The following CNTN6 variants were observed in gnomAD, a reference collection of about 807,000 sequenced individuals.
CNTN6 encodes contactin 6, also known as contactin-6.
Under a neutral mutation model 122.8 loss-of-function variants are expected in CNTN6, and 137 were observed. The observed-to-expected ratio is 1.12, with a 90% confidence interval of 0.97 to 1.29. CNTN6 has a LOEUF of 1.29. Ranked by LOEUF, CNTN6 falls within the 50% of genes most tolerant of loss-of-function variation. The pLI is 0.00. For synonymous variants in CNTN6, 570 were observed against 426.0 expected (o/e 1.34, Z -4.16); for missense variants, 1,634 against 1,223.4 (o/e 1.34, Z -5.01).
intron 2 of CNTN6, among the ~76,000 whole-genome samples, chr3:1,167,297 T>G (rs566677205): frequency 6.6e-6 from 1 of 152,308 alleles, no homozygotes; most frequent in Non-Finnish European, 1.5e-5. Context: ...TTTCATTTTT[T>G]CCTATCAGTT....
intron 2 of CNTN6, among the ~76,000 whole-genome samples, chr3:1,168,874 AT>A (rs1189126580): frequency 1.3e-5 from 2 of 152,096 alleles, no homozygotes; most frequent in African/African-American, 4.8e-5. Flanking sequence ...ATATAGGTTA[AT>A]TTTTTTTAAG....
intron 2 of CNTN6, among the ~76,000 whole-genome samples, chr3:1,161,247 A>G (rs939827214): frequency 2.0e-5 from 2 of 101,818 alleles, no homozygotes; most frequent in African/African-American, 9.3e-5. Context: ...ATGATATATG[A>G]TTATATATAT....
chr3:1,200,288 C>T (rs1199731714), intron 2 of CNTN6, among the ~76,000 whole-genome samples: 1 of 152,198 alleles, frequency 6.6e-6, no homozygotes, highest in Admixed American at 6.5e-5. Context: ...CCCTCCTCAG[C>T]TTCCCAAACT....
At chr3:1,259,556 A>G (rs1313319332) in intron 4 of CNTN6, among the ~76,000 whole-genome samples, 1 of 152,100 alleles carries the variant, frequency 6.6e-6, no homozygotes, top group African/African-American at 2.4e-5. Context: ...ATTTACTGGC[A>G]GTGGAAAAAC....
intron 1 of CNTN6, among the ~76,000 whole-genome samples, chr3:1,102,875 A>G (rs1012577205): frequency 2.0e-5 from 3 of 151,218 alleles, no homozygotes; most frequent in South Asian, 2.1e-4. Flanking sequence ...TTGGAGGCCG[A>G]GGCGGGCGGA....
intron 1 of CNTN6, among the ~76,000 whole-genome samples, chr3:1,145,644 A>G (rs2092709012): frequency 6.6e-6 from 1 of 152,198 alleles, no homozygotes; most frequent in African/African-American, 2.4e-5. Context: ...ATTTATGGCC[A>G]TGCTACCATT....
At chr3:1,305,089 G>T (rs1698137471) in intron 7 of CNTN6, among the ~76,000 whole-genome samples, 1 of 151,840 alleles carries the variant, frequency 6.6e-6, no homozygotes, top group Non-Finnish European at 1.5e-5. Flanking sequence ...CAAAAATCAG[G>T]TTTATACACC....
chr3:1,129,899 T>A (rs553134447), intron 1 of CNTN6, among the ~76,000 whole-genome samples: 1 of 152,084 alleles, frequency 6.6e-6, no homozygotes, highest in Non-Finnish European at 1.5e-5. Flanking sequence ...GTTTGTTTTT[T>A]AAAAACAGTT....
At position 1,102,706 on chromosome 3, in the gene CNTN6, C is replaced by A. The variant is rs990640489; in HGVS notation, c.-83+9586C>A. Among the ~76,000 whole-genome samples the A allele has an allele frequency of 4.0e-5, 6 of 149,612 alleles. No individual in the cohort carries two copies. In the South Asian group the frequency reaches 8.6e-4, roughly 22 times the overall value. ...TGGCGCCACCGCCCTCCAGCCTGGG[C>A]GACAGGGCGAGACTCCGTCTCAAAA... On this transcript the variant is annotated intron_variant, in intron 1 of 22. Coordinates refer to ENST00000446702, the MANE Select transcript of CNTN6 (RefSeq NM_001289080.2).
chr3:1,155,102 A>G (rs1056980734), intron 2 of CNTN6, among the ~76,000 whole-genome samples: 3 of 152,090 alleles, frequency 2.0e-5, no homozygotes, highest in African/African-American at 7.2e-5. Flanking sequence ...TTATCCCACT[A>G]TTGGTCCTAG....
intron 2 of CNTN6, among the ~76,000 whole-genome samples, chr3:1,200,613 A>T (rs998860188): frequency 2.0e-5 from 3 of 152,292 alleles, no homozygotes; most frequent in African/African-American, 7.2e-5. Context: ...TCTCTTTTTT[A>T]AGCTCCATAA....
Position 1,403,527 on chromosome 3 carries a change from G to GAA in CNTN6, c.*118_*119dup. 1.1e-5 allele frequency: 5 copies of GAA among 466,796 alleles called. No individual in the cohort carries two copies. The highest frequency in any genetic ancestry group is 4.5e-5 in the South Asian group (1 of 22,346). The allele number at this position is 466,796 out of a possible 1,614,324, so 28.9% of individuals were successfully genotyped here. A position where few individuals can be genotyped will look rare whatever the true frequency, so the allele number is the denominator to read the frequency against. ...TTCTTAATACAGACTTGTTTGCAAA[G>GAA]AAAAAAAAAAGTATATTATTAAAAT... On this transcript the variant is annotated 3_prime_UTR_variant, in exon 23 of 23. Coordinates refer to ENST00000446702, the MANE Select transcript of CNTN6 (RefSeq NM_001289080.2).
chr3:1,325,000 C>A (rs1250377169), intron 8 of CNTN6, among the ~76,000 whole-genome samples: 1 of 151,720 alleles, frequency 6.6e-6, no homozygotes. Flanking sequence ...AAGGACAGAA[C>A]TAAATAAAGG....
At chr3:1,168,064 C>A (rs200985137) in intron 2 of CNTN6, among the ~76,000 whole-genome samples, 54 of 152,100 alleles carry the variant, frequency 3.6e-4, no homozygotes, top group African/African-American at 1.3e-3. Flanking sequence ...CACGCCACCA[C>A]GCCTGGGTAG....
chr3:1,352,506 T>TTACA, intron 12 of CNTN6, 55 bp downstream of exon 12: 1 of 1,596,830 alleles, frequency 6.3e-7, no homozygotes, highest in Non-Finnish European at 8.6e-7. Context: ...GCAGGCATAT[T>TTACA]ATGACTTGTG....
At chr3:1,375,315 C>T (rs1166207171) in intron 16 of CNTN6, among the ~76,000 whole-genome samples, 1 of 152,120 alleles carries the variant, frequency 6.6e-6, no homozygotes, top group East Asian at 1.9e-4. Flanking sequence ...ACCATTAATA[C>T]TCTCTTGTTT....
chr3:1,222,104 C>T (rs540496762), intron 3 of CNTN6, among the ~76,000 whole-genome samples: 1 of 152,252 alleles, frequency 6.6e-6, no homozygotes, highest in Admixed American at 6.5e-5. Flanking sequence ...CTTTTTACAA[C>T]AAAGGAGCTG....
chr3:1,212,339 C>T (rs1322007774), intron 2 of CNTN6, among the ~76,000 whole-genome samples: 3 of 146,418 alleles, frequency 2.0e-5, no homozygotes, highest in Admixed American at 7.0e-5. Context: ...GTGGGGATTA[C>T]AGGTGTGAGC....
At chr3:1,221,895 AT>A (rs1439451123) in intron 3 of CNTN6, among the ~76,000 whole-genome samples, 5 of 152,192 alleles carry the variant, frequency 3.3e-5, no homozygotes, top group Admixed American at 2.0e-4. Flanking sequence ...ACTTCAGTGT[AT>A]TTTGGCAAAA....
Sources: allele counts gnomAD v4.1 joint callset (sites outside exome capture counted in the v4.1 genomes callset), GRCh38; gene constraint gnomAD v4.1.1; transcripts MANE v1.5; gene names NCBI Gene and HGNC (gene_info 2026-07-23, HGNC 2026-07-21).